PLXDC2: variants seen among roughly 807,000 people sequenced by gnomAD.
The protein encoded by PLXDC2 is plexin domain containing 2, also known as plexin domain-containing protein 2.
In PLXDC2, 40 loss-of-function variants were observed where a neutral mutation model predicts 68.9. The ratio of observed to expected loss-of-function variants is 0.58; its 90% CI spans 0.45 to 0.76. The LOEUF (loss-of-function observed/expected upper bound fraction) is 0.76, where lower values mean the gene tolerates loss of function less well. Among genes scored for constraint, PLXDC2 ranks in the 30% least tolerant of loss-of-function variants. The pLI, the probability that PLXDC2 is intolerant of heterozygous loss-of-function variation, is 0.00. For synonymous variants in PLXDC2, 243 were observed against 234.2 expected (o/e 1.04, Z -0.34); for missense variants, 644 against 661.9 (o/e 0.97, Z 0.30).
intron 12 of PLXDC2, among the ~76,000 whole-genome samples, chr10:20,219,917 C>T (rs1835187892): frequency 6.6e-6 from 1 of 152,068 alleles, no homozygotes; most frequent in Non-Finnish European, 1.5e-5. Context: ...CCAATATACA[C>T]ATGTTAAGCA....
intron 1 of PLXDC2, among the ~76,000 whole-genome samples, chr10:19,851,100 TAATA>T (rs1837109287): frequency 6.6e-6 from 1 of 152,112 alleles, no homozygotes; most frequent in Admixed American, 6.5e-5. Context: ...TTGATAAGGG[TAATA>T]AATAGTGATG....
intron 12 of PLXDC2, among the ~76,000 whole-genome samples, chr10:20,229,413 T>A (rs952047299): frequency 2.0e-5 from 3 of 151,484 alleles, no homozygotes; most frequent in African/African-American, 7.3e-5. Context: ...CTCCTAAACT[T>A]GGTAGCATTC....
intron 7 of PLXDC2, among the ~76,000 whole-genome samples, chr10:20,175,033 A>G (rs528467133): frequency 1.1e-4 from 17 of 152,214 alleles, no homozygotes; most frequent in African/African-American, 3.9e-4. Context: ...ATGGAGAAAA[A>G]TTACTAGAAG....
chr10:20,002,101 C>A (rs1474853288), intron 2 of PLXDC2, 115 bp downstream of exon 2: 13 of 1,029,310 alleles, frequency 1.3e-5, no homozygotes, highest in Middle Eastern at 3.2e-4. Flanking sequence ...TTTTGGATTT[C>A]TTTTAAAGAA....
At chr10:19,846,561 A>G (rs755826969) in intron 1 of PLXDC2, among the ~76,000 whole-genome samples, 2 of 152,148 alleles carry the variant, frequency 1.3e-5, no homozygotes, top group Non-Finnish European at 2.9e-5. Flanking sequence ...TTGGTCCATT[A>G]CAATAAAATT....
intron 9 of PLXDC2, among the ~76,000 whole-genome samples, chr10:20,208,136 A>G (rs1330507326): frequency 6.7e-6 from 1 of 149,228 alleles, no homozygotes; most frequent in Non-Finnish European, 1.5e-5. Context: ...AATATAATTA[A>G]CATGGATTTT....
chr10:20,147,017 T>TA (rs941533185), intron 5 of PLXDC2, among the ~76,000 whole-genome samples: 16 of 151,596 alleles, frequency 1.1e-4, no homozygotes, highest in East Asian at 1.9e-4. Context: ...TCTTTTTTTT[T>TA]AAAAAAAGAG....
intron 12 of PLXDC2, among the ~76,000 whole-genome samples, chr10:20,223,456 G>T (rs1341445433): frequency 1.3e-5 from 2 of 151,852 alleles, no homozygotes; most frequent in African/African-American, 4.8e-5. Flanking sequence ...GGGACTACAG[G>T]TGTGTGCCAC....
At chr10:20,080,488 G>A (rs1234902924) in intron 4 of PLXDC2, among the ~76,000 whole-genome samples, 1 of 152,116 alleles carries the variant, frequency 6.6e-6, no homozygotes, top group African/African-American at 2.4e-5. Flanking sequence ...ACTGGTGTAA[G>A]TCCAAGAGTC....
rs1206273060 is a variant in PLXDC2, at chr10:20,044,189, CTT to C, written c.325-2678_325-2677del. On this transcript the variant is annotated intron_variant, in intron 2 of 13. Transcript: ENST00000377252. ...TCTTTCTTTCTTTCCTTCTTTCTTT[CTT>C]TCTCTCTCTCTCTCTCTCTGTCTTT... Among the ~76,000 whole-genome samples, 136 of 123,276 alleles carry C rather than the reference CTT, an allele frequency of 1.1e-3. 4 individuals are homozygous for C. Among genetic ancestry groups the C allele is most frequent in the African/African-American group, 4.6e-3 (126 of 27,340 alleles). 80.9% of individuals were successfully genotyped at this position (123,276 alleles called of 152,430 possible).
At chr10:20,262,278 G>A (rs142797662) in intron 13 of PLXDC2, among the ~76,000 whole-genome samples, 48 of 152,268 alleles carry the variant, frequency 3.2e-4, no homozygotes, top group Middle Eastern at 3.4e-3. Context: ...AAGGAGTCTC[G>A]TTGCTTATTT....
At chr10:19,855,226 TTTG>T (rs57620092) in intron 1 of PLXDC2, among the ~76,000 whole-genome samples, 30,607 of 151,474 alleles carry the variant, frequency 0.2, 3,584 homozygotes, top group East Asian at 0.47. Context: ...CAAATACGAT[TTTG>T]TTGTTGTTGT....
At chr10:20,188,418 T>A (rs1319363542) in intron 9 of PLXDC2, among the ~76,000 whole-genome samples, 2 of 151,786 alleles carry the variant, frequency 1.3e-5, no homozygotes, top group Non-Finnish European at 2.9e-5. Flanking sequence ...AGTTAAGAAT[T>A]GGCACAGAAT....
intron 7 of PLXDC2, among the ~76,000 whole-genome samples, chr10:20,173,494 C>T (rs1279539535): frequency 6.6e-6 from 1 of 152,166 alleles, no homozygotes; most frequent in Admixed American, 6.5e-5. Context: ...CTTGGTGTTT[C>T]CATATGATCA....
At chr10:20,181,506 C>G (rs1162026151) in intron 9 of PLXDC2, among the ~76,000 whole-genome samples, 1 of 152,004 alleles carries the variant, frequency 6.6e-6, no homozygotes, top group Non-Finnish European at 1.5e-5. Context: ...GACTCGGCGG[C>G]CAGGAAAGGC....
rs1836093456 is a variant in PLXDC2 at position 20,282,414 on chromosome 10, ATTAC to A, written c.*2599_*2602del. The A allele has an allele frequency of 6.6e-6, 1 of 152,218 alleles. No homozygotes were observed. The highest frequency in any genetic ancestry group is 1.5e-5 in the Non-Finnish European group (1 of 68,034). 9.4% of individuals were successfully genotyped at this position (152,218 alleles called of 1,614,324 possible). A position where few individuals can be genotyped will look rare whatever the true frequency, so the allele number is the denominator to read the frequency against. On this transcript the variant is annotated 3_prime_UTR_variant, in exon 14 of 14. Transcript: ENST00000377252. ...TGTATTAGAGAAGGTGCAACTGTACATTACTTAATATACTATGAACATAATAGAA... is the reference window on the plus strand; with the variant it reads ...TGTATTAGAGAAGGTGCAACTGTACATTAATATACTATGAACATAATAGAA...
chr10:19,975,282 G>T (rs541427187), intron 1 of PLXDC2, among the ~76,000 whole-genome samples: 12 of 151,766 alleles, frequency 7.9e-5, no homozygotes, highest in Non-Finnish European at 1.6e-4. Context: ...GTGAAACCCC[G>T]TCTCTACTAA....
At chr10:19,834,379 G>A (rs1361242998) in intron 1 of PLXDC2, among the ~76,000 whole-genome samples, 3 of 152,006 alleles carry the variant, frequency 2.0e-5, no homozygotes, top group Non-Finnish European at 4.4e-5. Flanking sequence ...GTGTGTGTCT[G>A]TGAAGAGACA....
chr10:20,204,285 A>G (rs2131850637), intron 9 of PLXDC2, among the ~76,000 whole-genome samples: 1 of 152,280 alleles, frequency 6.6e-6, no homozygotes, highest in African/African-American at 2.4e-5. Context: ...AAACTTTTTC[A>G]GTATTTCTAA....
Sources: allele counts gnomAD v4.1 joint callset (sites outside exome capture counted in the v4.1 genomes callset), GRCh38; gene constraint gnomAD v4.1.1; transcripts MANE v1.5; gene names NCBI Gene and HGNC (gene_info 2026-07-23, HGNC 2026-07-21).